The following ZNF486 variants were observed in gnomAD, a reference collection of about 807,000 sequenced individuals.
ZNF486 encodes the protein KRAB box only protein 2.
ZNF486 carries 12 observed loss-of-function variants against 12.8 expected under a neutral mutation model. That is an observed-to-expected ratio of 0.94 (90% confidence interval 0.60 to 1.52). The LOEUF (loss-of-function observed/expected upper bound fraction) is 1.52, where lower values mean the gene tolerates loss of function less well. Among genes scored for constraint, ZNF486 ranks in the 40% most tolerant of loss-of-function variants. The pLI, the probability that ZNF486 is intolerant of heterozygous loss-of-function variation, is 0.00. For synonymous variants in ZNF486, 231 were observed against 184.9 expected, an observed-to-expected ratio of 1.25 and a Z score of -2.02; for missense variants, 738 against 545.0, an observed-to-expected ratio of 1.35 and a Z score of -3.53.
chr19:20,190,200 T>A (rs2089888992), intron 3 of ZNF486, among the ~76,000 whole-genome samples: 1 of 152,208 alleles, frequency 6.6e-6, no homozygotes, highest in Non-Finnish European at 1.5e-5. Flanking sequence ...ACTGTAGCCT[T>A]TAACTGTAGG....
At chr19:20,185,404 GTT>G (rs782413355) in intron 2 of ZNF486, among the ~76,000 whole-genome samples, 1,093 of 69,518 alleles carry the variant, frequency 0.016, 1 homozygote, top group African/African-American at 0.057. Context: ...TATTGTTTAT[GTT>G]TTTTTTTTTT....
At chr19:20,171,324 C>T (rs551689727) in intron 1 of ZNF486, among the ~76,000 whole-genome samples, 3 of 152,164 alleles carry the variant, frequency 2.0e-5, no homozygotes, top group Admixed American at 6.5e-5. Context: ...GCTCTGATTA[C>T]AGACCCCCTT....
In ZNF486 at chr19:20,177,935, C is replaced by CTTTTTTTTTTTTTTTT. The variant is rs1241165221; in HGVS notation, c.31-6412_31-6411insTTTTTTTTTTTTTTTT. ...TTTTCTGGGGCTGTAAACATTTGTTCTTTTTTTTTGAGACGAAGTCTCTCA... is the reference window on the plus strand; with the variant it reads ...TTTTCTGGGGCTGTAAACATTTGTTCTTTTTTTTTTTTTTTTTTTTTTTTTGAGACGAAGTCTCTCA... On this transcript the variant is annotated intron_variant, in intron 1 of 3. Transcript: ENST00000335117. 8.8e-3 allele frequency among the ~76,000 whole-genome samples: 1,269 copies of CTTTTTTTTTTTTTTTT among 144,694 alleles called. 41 individuals are homozygous for CTTTTTTTTTTTTTTTT. The highest frequency in any genetic ancestry group is 0.032 in the African/African-American group (1,200 of 37,260). The allele number at this position is 144,694 out of a possible 152,430, so 94.9% of individuals were successfully genotyped here. A position where few individuals can be genotyped will look rare whatever the true frequency, so the allele number is the denominator to read the frequency against.
chr19:20,184,032 C>G (rs2122655311), intron 1 of ZNF486, among the ~76,000 whole-genome samples: 1 of 152,198 alleles, frequency 6.6e-6, no homozygotes, highest in East Asian at 1.9e-4. Context: ...TCTTTTCTGT[C>G]TGAAAAATAT....
rs782305006 is a variant in ZNF486, at chr19:20,197,639, C to A, written c.929C>A (p.Ser310Tyr). 2 of 1,613,674 alleles carry A rather than the reference C, an allele frequency of 1.2e-6. No individual in the cohort carries two copies. The highest frequency in any genetic ancestry group is 1.3e-5 in the African/African-American group (1 of 74,902). ...GCTTTTAACCATCCTGCAACTCTTT[C>A]TTCACATAAGAAAATTCATACTGGA... ...DKAFNHPATL[S>Y]SHKKIHTGEK... The change falls in exon 4 of 4, where the codon TCT (serine) becomes TAT (tyrosine). Residue 310 changes from serine to tyrosine, a missense_variant. By Grantham distance (144) the Ser-to-Tyr change is moderately radical. Coordinates refer to ENST00000335117, the MANE Select transcript of ZNF486 (RefSeq NM_052852.4).
intron 3 of ZNF486, among the ~76,000 whole-genome samples, chr19:20,192,889 A>G (rs2089915993): frequency 6.6e-6 from 1 of 152,190 alleles, no homozygotes; most frequent in South Asian, 2.1e-4. Context: ...TAAGTAGTAT[A>G]ATTAATTTAT....
intron 1 of ZNF486, chr19:20,175,142 T>A (rs2089691566): frequency 6.6e-6 from 1 of 152,006 alleles, no homozygotes; most frequent in Non-Finnish European, 1.5e-5. Flanking sequence ...CTGCCACCTT[T>A]CTTCATAATG....
intron 3 of ZNF486, 52 bp from the exon 4 acceptor site, chr19:20,196,912 T>C: frequency 6.6e-7 from 1 of 1,505,526 alleles, no homozygotes; most frequent in East Asian, 2.3e-5. Flanking sequence ...TTGTAAAGTA[T>C]ATTTATCTGA....
rs782365805 is a variant in ZNF486 at position 20,197,560 on chromosome 19, C to G, written c.850C>G (p.His284Asp). Reference sequence around the variant, plus strand: ...TATGTACCCCTATACCCTTACTACACATAAGATAATCCATACTGGAGAGCA... The same window carrying G: ...TATGTACCCCTATACCCTTACTACAGATAAGATAATCCATACTGGAGAGCA... ...AFMYPYTLTT[H>D]KIIHTGEQPY... The change falls in exon 4 of 4, where the codon CAT becomes GAT. Residue 284 changes from histidine to aspartate, a missense_variant. His to Asp is a moderately conservative substitution (Grantham distance 81). Transcript: ENST00000335117. 9.9e-6 allele frequency: 16 copies of G among 1,613,446 alleles called. No homozygotes were observed. The highest frequency in any genetic ancestry group is 1.3e-5 in the Non-Finnish European group (15 of 1,179,746).
chr19:20,198,057 T>G lies in ZNF486; in HGVS notation c.1347T>G (p.Leu449=), dbSNP rs890671466. ...AAGCTTTTAACTGGTCCTCAGACCT[T>G]AATAAACATAAGAGAATTCATATTG... ...CGKAFNWSSD[L]NKHKRIHIGQ... The change falls in exon 4 of 4, where the codon CTT becomes CTG. Residue 449 remains leucine, a synonymous_variant. Transcript: ENST00000335117. 1.2e-6 allele frequency: 2 copies of G among 1,608,978 alleles called. No homozygotes were observed. The highest frequency in any genetic ancestry group is 1.7e-6 in the Non-Finnish European group (2 of 1,177,224).
At chr19:20,188,120 C>G (rs889293598) in intron 3 of ZNF486, among the ~76,000 whole-genome samples, 5 of 152,028 alleles carry the variant, frequency 3.3e-5, no homozygotes, top group African/African-American at 1.2e-4. Flanking sequence ...TATTGAGTAT[C>G]AGAGAGCATT....
rs552184925 is a variant in ZNF486 at position 20,194,396 on chromosome 19, AT to A, written c.254-2567del. On this transcript the variant is annotated intron_variant, in intron 3 of 3. Coordinates refer to ENST00000335117, the MANE Select transcript of ZNF486 (RefSeq NM_052852.4). ...AAAAAATTATTATAACTTTAGCAAT[AT>A]CACAGTTTTTTTCTGACGTGTAAGA... Among the ~76,000 whole-genome samples the A allele has an allele frequency of 3.5e-4, 54 of 152,326 alleles. 1 individual carries two copies. In the East Asian group the frequency reaches 9.3e-3, roughly 26 times the overall value.
intron 1 of ZNF486, among the ~76,000 whole-genome samples, chr19:20,174,664 C>G (rs1322160711): frequency 6.6e-6 from 1 of 152,266 alleles, no homozygotes; most frequent in East Asian, 1.9e-4. Flanking sequence ...GCTAAGATTA[C>G]AGGTGTGAGC....
intron 1 of ZNF486, among the ~76,000 whole-genome samples, chr19:20,182,982 G>A: frequency 6.6e-6 from 1 of 152,126 alleles, no homozygotes; most frequent in East Asian, 1.9e-4. Context: ...GGACCCCCAT[G>A]AGTTTAGTAC....
intron 3 of ZNF486, among the ~76,000 whole-genome samples, chr19:20,191,483 C>T (rs2089901939): frequency 6.9e-6 from 1 of 145,300 alleles, no homozygotes; most frequent in South Asian, 2.2e-4. Flanking sequence ...AAAAATTATG[C>T]ACTCGGCTGG....
intron 1 of ZNF486, among the ~76,000 whole-genome samples, chr19:20,170,898 G>A (rs1291910531): frequency 2.0e-5 from 3 of 152,080 alleles, no homozygotes; most frequent in Non-Finnish European, 4.4e-5. Context: ...CATAACTACA[G>A]TGTTTTGTTC....
Position 20,198,220 on chromosome 19 carries a change from A to G in ZNF486, c.*118A>G, listed in dbSNP as rs111514659. ...CAACCTCCACCTTCTGGGTTCAAGT[A>G]ACTCTCCTTAGTAGCTAGGATTACA... On this transcript the variant is annotated 3_prime_UTR_variant, in exon 4 of 4. Transcript: ENST00000335117. 5 of 823,252 alleles carry G rather than the reference A, an allele frequency of 6.1e-6. No individual in the cohort carries two copies. In the African/African-American group the frequency reaches 8.7e-5, roughly 14 times the overall value. The allele number at this position is 823,252 out of a possible 1,614,324, so 51.0% of individuals were successfully genotyped here.
At chr19:20,193,873 G>A (rs1233660994) in intron 3 of ZNF486, among the ~76,000 whole-genome samples, 1 of 151,434 alleles carries the variant, frequency 6.6e-6, no homozygotes, top group Non-Finnish European at 1.5e-5. Context: ...TATCTATACA[G>A]CTATTATCTT....
At chr19:20,189,565 G>GT (rs1268271025) in intron 3 of ZNF486, among the ~76,000 whole-genome samples, 2 of 152,030 alleles carry the variant, frequency 1.3e-5, no homozygotes, top group South Asian at 2.1e-4. Flanking sequence ...TTGTCATTGT[G>GT]TTTTTTTAAT....
Sources: allele counts gnomAD v4.1 joint callset (sites outside exome capture counted in the v4.1 genomes callset), GRCh38; gene constraint gnomAD v4.1.1; transcripts MANE v1.5; gene names NCBI Gene and HGNC (gene_info 2026-07-23, HGNC 2026-07-21).